FBN2: variants seen among roughly 807,000 people sequenced by gnomAD.
The protein encoded by FBN2 is fibrillin 2, also known as fibrillin-2.
In FBN2, 105 loss-of-function variants were observed where a neutral mutation model predicts 355.6. That is an observed-to-expected ratio of 0.30 (90% CI 0.25 to 0.35). FBN2 has a LOEUF of 0.35. Among genes scored for constraint, FBN2 ranks in the 10% least tolerant of loss-of-function variants. FBN2 has a pLI of 1.00. For missense variants in FBN2, 3,280 were observed against 3,758.7 expected, an observed-to-expected ratio of 0.87 and a Z score of 3.33; for synonymous variants, 1,350 against 1,301.2, an observed-to-expected ratio of 1.04 and a Z score of -0.81.
chr5:128,306,331 T>C (rs1269888064), intron 42 of FBN2, among the ~76,000 whole-genome samples: 1 of 152,128 alleles, frequency 6.6e-6, no homozygotes, highest in East Asian at 1.9e-4. Flanking sequence ...TAAAATTATA[T>C]TGCTTAGGCC....
At position 128,315,272 on chromosome 5, in the gene FBN2, T is replaced by A. The variant is rs993953097; in HGVS notation, c.4718-2477A>T. Reference sequence around the variant, plus strand: ...AACAATTTAATGATAGCTAACTCAATTTTTTAATCTATATTTTCTTGGTTT... The same window carrying A: ...AACAATTTAATGATAGCTAACTCAAATTTTTAATCTATATTTTCTTGGTTT... On this transcript the variant is annotated intron_variant, in intron 36 of 64. Coordinates refer to ENST00000262464, the MANE Select transcript of FBN2 (RefSeq NM_001999.4). 9.2e-5 allele frequency among the ~76,000 whole-genome samples: 14 copies of A among 152,324 alleles called. 1 individual carries two copies. Among genetic ancestry groups the A allele is most frequent in the South Asian group, 4.1e-4 (2 of 4,826 alleles).
intron 6 of FBN2, 43 bp from the exon 7 acceptor site, chr5:128,446,649 C>A: frequency 6.2e-7 from 1 of 1,604,226 alleles, no homozygotes; most frequent in South Asian, 1.1e-5. Flanking sequence ...CACTGGTTTT[C>A]AGAATATCTA....
rs1341500749 is a variant in FBN2, at chr5:128,538,046, C to A, written c.-443G>T. 3 of 182,994 alleles carry A rather than the reference C, an allele frequency of 1.6e-5. No individual in the cohort carries two copies. Among genetic ancestry groups the A allele is most frequent in the African/African-American group, 4.7e-5 (2 of 42,258 alleles). 11.3% of individuals were successfully genotyped at this position (182,994 alleles called of 1,614,324 possible). On this transcript the variant is annotated 5_prime_UTR_variant, in exon 1 of 65. Transcript: ENST00000262464. The stretch of plus-strand genomic sequence containing the variant: ...TCCGAAGACGGATATTGGAAAGCTG[C>A]AAAAGTCACCAGAAAGAAACAGGCA...
chr5:128,521,993 T>A (rs1756445565), intron 4 of FBN2, among the ~76,000 whole-genome samples: 1 of 152,202 alleles, frequency 6.6e-6, no homozygotes, highest in South Asian at 2.1e-4. Context: ...TAGCTTATAA[T>A]ATGGGTTTCT....
At chr5:128,278,916 G>A (rs903341034) in intron 56 of FBN2, 75 bp from the exon 57 acceptor site, 2 of 1,225,322 alleles carry the variant, frequency 1.6e-6, no homozygotes, top group African/African-American at 3.0e-5. Flanking sequence ...ATTAAGCAGG[G>A]CAGTCAAGAA....
At position 128,519,899 on chromosome 5, in the gene FBN2, G is replaced by T. The variant is rs75516819; in HGVS notation, c.533-531C>A. Among the ~76,000 whole-genome samples, 189 of 151,756 alleles carry T rather than the reference G, an allele frequency of 1.2e-3. 1 individual carries two copies. The East Asian group carries it at 0.032, about 26-fold the overall frequency. ...AGAAAAGGAAGCCAAGGGGGGAAAA[G>T]GTAAAGCTGGAAGGGCAAAACAAAG... On this transcript the variant is annotated intron_variant, in intron 4 of 64. Transcript: ENST00000262464.
rs907075818 is a variant in FBN2, at chr5:128,472,878, C to T, written c.629-7957G>A. Among the ~76,000 whole-genome samples the T allele has an allele frequency of 4.0e-5, 6 of 151,856 alleles. 1 individual carries two copies. The highest frequency in any genetic ancestry group is 4.2e-4 in the South Asian group (2 of 4,808). The stretch of plus-strand genomic sequence containing the variant: ...TTAAAAATAAATATTTAAAAAGCTC[C>T]GGGAGTAAGTAGACTTTTGAAATCA... On this transcript the variant is annotated intron_variant, in intron 5 of 64. Transcript: ENST00000262464.
At chr5:128,284,045 A>G (rs1295382280) in intron 55 of FBN2, among the ~76,000 whole-genome samples, 1 of 152,196 alleles carries the variant, frequency 6.6e-6, no homozygotes, top group South Asian at 2.1e-4. Flanking sequence ...TGTTTAAGAC[A>G]GTCACCTAAA....
At chr5:128,490,888 A>C (rs1286167498) in intron 5 of FBN2, among the ~76,000 whole-genome samples, 1 of 152,214 alleles carries the variant, frequency 6.6e-6, no homozygotes, top group Non-Finnish European at 1.5e-5. Context: ...GAGGTTACTC[A>C]TCAATTTCTT....
chr5:128,447,489 G>C (rs892488567), intron 6 of FBN2, among the ~76,000 whole-genome samples: 1 of 152,122 alleles, frequency 6.6e-6, no homozygotes, highest in Non-Finnish European at 1.5e-5. Flanking sequence ...CCAGGATGAG[G>C]AAATTCCCGC....
rs1282178892 is a variant in FBN2, at chr5:128,286,864, A to G, written c.6881-15T>C. 1 of 1,612,674 alleles carries G rather than the reference A, an allele frequency of 6.2e-7. No individual in the cohort carries two copies. Among genetic ancestry groups the G allele is most frequent in the African/African-American group, 1.3e-5 (1 of 75,016 alleles). On this transcript the variant is annotated splice_polypyrimidine_tract_variant and intron_variant, in intron 54 of 64. Transcript: ENST00000262464. Reference sequence around the variant, plus strand: ...TTCATCCAGATCTAGAACAAAAAATAAAAATTAAAAATTATCTGGAGCAAG... The same window carrying G: ...TTCATCCAGATCTAGAACAAAAAATGAAAATTAAAAATTATCTGGAGCAAG...
At chr5:128,472,474 T>C (rs1255850513) in intron 5 of FBN2, among the ~76,000 whole-genome samples, 1 of 152,134 alleles carries the variant, frequency 6.6e-6, no homozygotes, top group Non-Finnish European at 1.5e-5. Context: ...AATGTGAATG[T>C]ACTTCAAGCC....
At chr5:128,319,464 T>C (rs1205871630) in intron 34 of FBN2, among the ~76,000 whole-genome samples, 8 of 149,440 alleles carry the variant, frequency 5.4e-5, no homozygotes, top group Non-Finnish European at 7.5e-5. Context: ...ATATTAAAAT[T>C]AACTTTTTAG....
chr5:128,449,862 TA>T (rs1444634753), intron 6 of FBN2, among the ~76,000 whole-genome samples: 3 of 151,954 alleles, frequency 2.0e-5, no homozygotes, highest in South Asian at 2.1e-4. Context: ...AGAATTCAAT[TA>T]AAAAAATCTG....
chr5:128,514,204 G>T (rs530792033), intron 5 of FBN2, among the ~76,000 whole-genome samples: 1 of 152,154 alleles, frequency 6.6e-6, no homozygotes, highest in East Asian at 1.9e-4. Flanking sequence ...AATTGGTCAT[G>T]AATTATGGAG....
chr5:128,369,161 GA>G lies in FBN2; in HGVS notation c.2248+20del. 1 of 1,613,360 alleles carries G rather than the reference GA, an allele frequency of 6.2e-7. No homozygotes were observed. The highest frequency in any genetic ancestry group is 8.5e-7 in the Non-Finnish European group (1 of 1,179,358). ...TATTTCTTGATTCTTTATCAACTGT[GA>G]AAATGGCACATGTGACTACCTGAAT... On this transcript the variant is annotated intron_variant, in intron 16 of 64. Coordinates refer to ENST00000262464, the MANE Select transcript of FBN2 (RefSeq NM_001999.4).
chr5:128,416,077 A>G (rs963761554), intron 7 of FBN2, among the ~76,000 whole-genome samples: 5 of 141,788 alleles, frequency 3.5e-5, no homozygotes, highest in Non-Finnish European at 7.5e-5. Flanking sequence ...CCCAGGCTGG[A>G]GTGCAATGGG....
At chr5:128,259,945 C>A in intron 64 of FBN2, 116 bp from the exon 65 acceptor site, 2 of 1,033,902 alleles carry the variant, frequency 1.9e-6, no homozygotes, top group Non-Finnish European at 1.5e-6. Context: ...TTCCCACTCC[C>A]GCTTTCTGCA....
At chr5:128,458,955 G>C (rs747390689) in intron 6 of FBN2, among the ~76,000 whole-genome samples, 1 of 151,052 alleles carries the variant, frequency 6.6e-6, no homozygotes, top group Non-Finnish European at 1.5e-5. Flanking sequence ...GATCAGAGAA[G>C]AATTGAAGGA....
Sources: allele counts gnomAD v4.1 joint callset (sites outside exome capture counted in the v4.1 genomes callset), GRCh38; gene constraint gnomAD v4.1.1; transcripts MANE v1.5; gene names NCBI Gene and HGNC (gene_info 2026-07-23, HGNC 2026-07-21).